Variants in GABRA1 observed in about 807,000 individuals in gnomAD.
The protein encoded by GABRA1 is gamma-aminobutyric acid receptor subunit alpha-1.
GABRA1 carries 9 observed loss-of-function variants against 48.9 expected under a neutral mutation model. The ratio of observed to expected loss-of-function variants is 0.18; its 90% CI spans 0.11 to 0.32. GABRA1 has a LOEUF of 0.32. GABRA1 is among the 10% of genes least tolerant of loss of function. The pLI, the probability that GABRA1 is intolerant of heterozygous loss-of-function variation, is 1.00. For synonymous variants in GABRA1, 210 were observed against 198.7 expected, an observed-to-expected ratio of 1.06 and a Z score of -0.48; for missense variants, 285 against 553.8, an observed-to-expected ratio of 0.51 and a Z score of 4.87.
intron 3 of GABRA1, among the ~76,000 whole-genome samples, chr5:161,864,970 A>G (rs1317580334): frequency 6.6e-6 from 1 of 152,004 alleles, no homozygotes; most frequent in East Asian, 1.9e-4. Context: ...CTTTTCTGAA[A>G]GCATTGTTTT....
chr5:161,865,718 C>T lies in GABRA1; in HGVS notation c.188-3C>T. The T allele has an allele frequency of 6.2e-7, 1 of 1,612,686 alleles. No individual in the cohort carries two copies. The highest frequency in any genetic ancestry group is 1.1e-5 in the South Asian group (1 of 91,074). ...TCACTCGCCCAATTTCCTGCTTCAA[C>T]AGAGCGTGTAACCGAAGTGAAGACT... On this transcript the variant is annotated splice_region_variant and splice_polypyrimidine_tract_variant and intron_variant, in intron 3 of 9. Coordinates refer to ENST00000393943, the MANE Select transcript of GABRA1 (RefSeq NM_001127644.2).
chr5:161,879,235 A>G (rs1255917068), intron 6 of GABRA1, among the ~76,000 whole-genome samples: 1 of 152,138 alleles, frequency 6.6e-6, no homozygotes, highest in Non-Finnish European at 1.5e-5. Flanking sequence ...CAGCCTCCTG[A>G]GTAGCTGGGA....
intron 3 of GABRA1, among the ~76,000 whole-genome samples, chr5:161,855,071 A>G (rs1757596809): frequency 6.6e-6 from 1 of 151,534 alleles, no homozygotes; most frequent in Admixed American, 6.6e-5. Flanking sequence ...CACACAGAAA[A>G]CCAAGGTTAG....
At chr5:161,863,516 G>A (rs1040117004) in intron 3 of GABRA1, among the ~76,000 whole-genome samples, 1 of 151,982 alleles carries the variant, frequency 6.6e-6, no homozygotes, top group Non-Finnish European at 1.5e-5. Context: ...GAGATAGAGA[G>A]CTCAATTATC....
At chr5:161,851,216 A>G (rs1389043994) in intron 2 of GABRA1, among the ~76,000 whole-genome samples, 2 of 152,162 alleles carry the variant, frequency 1.3e-5, no homozygotes, top group African/African-American at 2.4e-5. Flanking sequence ...GTGGTTGCAT[A>G]CTGTGTAACC....
intron 3 of GABRA1, among the ~76,000 whole-genome samples, chr5:161,857,879 G>A (rs76466415): frequency 7.2e-4 from 109 of 151,232 alleles, no homozygotes; most frequent in Admixed American, 1.7e-3. Flanking sequence ...TAGAAGCTGA[G>A]CAATGTATTT....
At chr5:161,877,185 A>G (rs563812773) in intron 6 of GABRA1, among the ~76,000 whole-genome samples, 9 of 152,080 alleles carry the variant, frequency 5.9e-5, no homozygotes, top group Non-Finnish European at 1.0e-4. Context: ...TCTCAAGTAA[A>G]CCTTCCACCT....
intron 8 of GABRA1, among the ~76,000 whole-genome samples, 196 bp from the exon 9 acceptor site, chr5:161,895,470 A>G (rs774342050): frequency 7.9e-5 from 12 of 152,100 alleles, no homozygotes; most frequent in Non-Finnish European, 1.3e-4. Flanking sequence ...ATCCCCCTCA[A>G]TGCTGCCATT....
intron 4 of GABRA1, among the ~76,000 whole-genome samples, chr5:161,867,223 C>A (rs764643919): frequency 3.3e-4 from 50 of 152,244 alleles, no homozygotes; most frequent in Admixed American, 9.8e-4. Flanking sequence ...TCATGATTCT[C>A]TCATGTTGGA....
At chr5:161,886,462 C>A (rs1390198612) in intron 7 of GABRA1, among the ~76,000 whole-genome samples, 1 of 151,540 alleles carries the variant, frequency 6.6e-6, no homozygotes, top group Non-Finnish European at 1.5e-5. Flanking sequence ...AGTAAGTGTC[C>A]GATATTACTA....
Position 161,895,724 on chromosome 5 carries a change from T to G in GABRA1, c.915T>G (p.Pro305=). ...GCATCAGTGCCAGAAACTCCCTCCC[T>G]AAGGTGGCTTATGCAACAGCTATGG... ...TLSISARNSL[P]KVAYATAMDW... Residue 305 remains proline, a synonymous_variant, in exon 9 of 10, where the codon CCT becomes CCG. Transcript: ENST00000393943. The G allele has an allele frequency of 6.2e-7, 1 of 1,614,024 alleles. No individual in the cohort carries two copies. The highest frequency in any genetic ancestry group is 8.5e-7 in the Non-Finnish European group (1 of 1,179,960).
chr5:161,878,602 C>T (rs1414258203), intron 6 of GABRA1, among the ~76,000 whole-genome samples: 1 of 152,160 alleles, frequency 6.6e-6, no homozygotes, highest in Non-Finnish European at 1.5e-5. Context: ...GTCTTTCTTA[C>T]CGTTCTCTAT....
intron 8 of GABRA1, among the ~76,000 whole-genome samples, chr5:161,893,047 AT>A (rs1263940840): frequency 2.9e-4 from 42 of 146,214 alleles, no homozygotes; most frequent in African/African-American, 9.8e-4. Flanking sequence ...AATAATAATA[AT>A]AAAATAAACA....
chr5:161,871,590 A>G (rs1754123816), intron 4 of GABRA1, among the ~76,000 whole-genome samples: 2 of 152,188 alleles, frequency 1.3e-5, no homozygotes, highest in African/African-American at 2.4e-5. Flanking sequence ...TTCTATGCCC[A>G]TCGTACACCT....
chr5:161,854,735 G>T (rs1208349776), intron 3 of GABRA1, among the ~76,000 whole-genome samples: 1 of 151,556 alleles, frequency 6.6e-6, no homozygotes, highest in African/African-American at 2.4e-5. Flanking sequence ...GGATAATAGG[G>T]GAATGAGATA....
intron 9 of GABRA1, among the ~76,000 whole-genome samples, chr5:161,896,665 T>G (rs993955696): frequency 2.6e-5 from 4 of 152,216 alleles, no homozygotes; most frequent in Non-Finnish European, 5.9e-5. Flanking sequence ...CATAAGCTTT[T>G]CTGAAACTTT....
chr5:161,864,755 A>G (rs758651072), intron 3 of GABRA1, among the ~76,000 whole-genome samples: 1 of 151,892 alleles, frequency 6.6e-6, no homozygotes, highest in African/African-American at 2.4e-5. Flanking sequence ...CTTGCATTAA[A>G]TCATAACTGA....
chr5:161,864,866 A>G (rs1390272204), intron 3 of GABRA1, among the ~76,000 whole-genome samples: 1 of 151,738 alleles, frequency 6.6e-6, no homozygotes, highest in Non-Finnish European at 1.5e-5. Context: ...AAAAAAGTAA[A>G]TGAACTGTTA....
At chr5:161,857,191 A>C (rs1381249968) in intron 3 of GABRA1, among the ~76,000 whole-genome samples, 1 of 151,448 alleles carries the variant, frequency 6.6e-6, no homozygotes, top group African/African-American at 2.4e-5. Context: ...TGCAACATAA[A>C]GGTGCCCACT....
Sources: gnomAD v4.1 joint callset for allele counts (sites outside exome capture counted in the v4.1 genomes callset) on GRCh38, gnomAD v4.1.1 for gene constraint, MANE v1.5 for transcripts, NCBI Gene and HGNC (gene_info 2026-07-23, HGNC 2026-07-21) for gene names.